Variants in TMEM198 observed in about 807,000 individuals in gnomAD.
TMEM198 encodes the protein transmembrane protein 198.
Under a neutral mutation model 31.5 loss-of-function variants are expected in TMEM198, and 21 were observed. The ratio of observed to expected loss-of-function variants is 0.67; its 90% CI spans 0.47 to 0.96. The LOEUF is 0.96. Among genes scored for constraint, TMEM198 ranks in the 40% least tolerant of loss-of-function variants. The pLI is 0.00. For missense variants in TMEM198, 447 were observed against 499.4 expected (o/e 0.89, Z 1.00); for synonymous variants, 211 against 223.3 (o/e 0.95, Z 0.49).
In TMEM198 at chr2:219,544,754, G is replaced by C; in HGVS notation, c.27G>C (p.Arg9=). 6.2e-7 allele frequency: 1 copy of C among 1,614,094 alleles called. No individual in the cohort carries two copies. The highest frequency in any genetic ancestry group is 8.5e-7 in the Non-Finnish European group (1 of 1,180,030). The part of the protein sequence containing the change: MPGTVATL[R]FQLLPPEPDD... ...TGCCGGGGACTGTGGCAACACTGCG[G>C]TTCCAGCTGCTGCCCCCTGAGCCAG... Residue 9 remains arginine, a synonymous_variant, in exon 2 of 5, where the codon CGG becomes CGC. Coordinates refer to ENST00000373883, the MANE Select transcript of TMEM198 (RefSeq NM_001005209.3).
chr2:219,549,452 A>T, intron 4 of TMEM198, 98 bp downstream of exon 4: 1 of 1,424,804 alleles, frequency 7.0e-7, no homozygotes, highest in East Asian at 2.4e-5. Flanking sequence ...TGCTATCTAG[A>T]AGGCCTGTTT....
rs201245165 is a variant in TMEM198, at chr2:219,544,752, C to T, written c.25C>T (p.Arg9Trp). ...TATGCCGGGGACTGTGGCAACACTG[C>T]GGTTCCAGCTGCTGCCCCCTGAGCC... MPGTVATL[R>W]FQLLPPEPDD... Residue 9 changes from arginine (R) to tryptophan (W), a missense_variant, in exon 2 of 5, where the codon CGG (arginine) becomes TGG (tryptophan). Arg to Trp is a moderately radical substitution (Grantham distance 101). Transcript: ENST00000373883. The T allele has an allele frequency of 1.9e-6, 3 of 1,614,046 alleles. No individual in the cohort carries two copies. Among genetic ancestry groups the T allele is most frequent in the Admixed American group, 3.3e-5 (2 of 60,030 alleles).
intron 3 of TMEM198, among the ~76,000 whole-genome samples, chr2:219,548,766 G>C (rs1559127761): frequency 6.6e-6 from 1 of 152,178 alleles, no homozygotes; most frequent in Non-Finnish European, 1.5e-5. Flanking sequence ...ATCTAATTTA[G>C]CTTTTGGGAT....
chr2:219,549,131 T>C (rs201188272), intron 3 of TMEM198, 21 bp from the exon 4 acceptor site: 195 of 1,613,380 alleles, frequency 1.2e-4, no homozygotes, highest in Non-Finnish European at 1.6e-4. Flanking sequence ...CTGAGCTCCT[T>C]CTCTACCCAT....
rs1356902065 is a variant in TMEM198 at position 219,550,136 on chromosome 2, G to C, written c.*282G>C. The C allele has an allele frequency of 5.5e-6, 2 of 360,840 alleles. No homozygotes were observed. The allele number at this position is 360,840 out of a possible 1,614,324, so 22.4% of individuals were successfully genotyped here. A position where few individuals can be genotyped will look rare whatever the true frequency, so the allele number is the denominator to read the frequency against. On this transcript the variant is annotated 3_prime_UTR_variant, in exon 5 of 5. Transcript: ENST00000373883. ...CCGTGTGTCTGTGTGTATGTGTGTG[G>C]GGGTGGGCAGGCTTGGAGGGGACGC...
At chr2:219,546,980 G>A (rs925687760) in intron 2 of TMEM198, among the ~76,000 whole-genome samples, 4 of 151,824 alleles carry the variant, frequency 2.6e-5, no homozygotes, top group South Asian at 2.1e-4. Flanking sequence ...GGGTTTCACC[G>A]CGTTGGTCAG....
chr2:219,543,852 G>A (rs1232037804), upstream of TMEM198: 3 of 390,440 alleles, frequency 7.7e-6, no homozygotes, highest in South Asian at 1.0e-4. Flanking sequence ...TCTCGCTACC[G>A]GAGAGGGAGG....
At chr2:219,549,099 G>T (rs751615817) in intron 3 of TMEM198, 53 bp from the exon 4 acceptor site, 1 of 1,604,492 alleles carries the variant, frequency 6.2e-7, no homozygotes, top group South Asian at 1.1e-5. Flanking sequence ...GAGGGCTCAA[G>T]GGAAACAAGG....
At chr2:219,546,940 G>A (rs756041353) in intron 2 of TMEM198, among the ~76,000 whole-genome samples, 7 of 152,006 alleles carry the variant, frequency 4.6e-5, no homozygotes, top group Non-Finnish European at 8.8e-5. Context: ...CACCATGCCC[G>A]GCTAATTTTT....
rs1238331558 is a variant in TMEM198 at position 219,550,571 on chromosome 2, C to T, written c.*717C>T. ...TGTTTTACATCTTTTATAAATGTGC[C>T]AAACTGTGTGGCCTCTGCCAGGAAT... On this transcript the variant is annotated 3_prime_UTR_variant, in exon 5 of 5. Transcript: ENST00000373883. 3.5e-5 allele frequency: 19 copies of T among 536,410 alleles called. No individual in the cohort carries two copies. The highest frequency in any genetic ancestry group is 4.7e-5 in the Non-Finnish European group (14 of 299,494). The allele number at this position is 536,410 out of a possible 1,614,324, so 33.2% of individuals were successfully genotyped here.
chr2:219,549,609 G>A, intron 4 of TMEM198, 108 bp from the exon 5 acceptor site: 1 of 1,517,058 alleles, frequency 6.6e-7, no homozygotes, highest in South Asian at 1.3e-5. Flanking sequence ...GTGGACTCTG[G>A]GTCTATGGCA....
rs1056091335 is a variant in TMEM198 at position 219,550,583 on chromosome 2, C to A, written c.*729C>A. On this transcript the variant is annotated 3_prime_UTR_variant, in exon 5 of 5. Coordinates refer to ENST00000373883, the MANE Select transcript of TMEM198 (RefSeq NM_001005209.3). ...TTTATAAATGTGCCAAACTGTGTGG[C>A]CTCTGCCAGGAATGGTGGTCTTTGG... 9.1e-6 allele frequency: 5 copies of A among 552,054 alleles called. No individual in the cohort carries two copies. Among genetic ancestry groups the A allele is most frequent in the Non-Finnish European group, 1.3e-5 (4 of 308,898 alleles). The allele number at this position is 552,054 out of a possible 1,614,324, so 34.2% of individuals were successfully genotyped here.
At chr2:219,546,431 C>A (rs1329842257) in intron 2 of TMEM198, among the ~76,000 whole-genome samples, 1 of 152,150 alleles carries the variant, frequency 6.6e-6, no homozygotes, top group East Asian at 1.9e-4. Flanking sequence ...TATGTCATTA[C>A]CTTCCATCCC....
In TMEM198 at chr2:219,547,866, C is replaced by T; in HGVS notation, c.527C>T (p.Thr176Ile). The change falls in exon 3 of 5, where the codon ACC (threonine) becomes ATC (isoleucine). Residue 176 changes from threonine (T) to isoleucine (I), a missense_variant. Thr to Ile is a moderately conservative substitution (Grantham distance 89). Transcript: ENST00000373883. ...RWPRPLTTLA[T>I]AVTGAALIAT... Reference sequence around the variant, plus strand: ...CCCCGCCCACTCACCACCCTGGCCACCGCCGTGACTGGTGCTGCGCTGATC... The same window carrying T: ...CCCCGCCCACTCACCACCCTGGCCATCGCCGTGACTGGTGCTGCGCTGATC... 6.3e-7 allele frequency: 1 copy of T among 1,589,918 alleles called. No homozygotes were observed. Among genetic ancestry groups the T allele is most frequent in the East Asian group, 2.2e-5 (1 of 44,560 alleles).
upstream of TMEM198, chr2:219,543,794 T>C: frequency 2.2e-6 from 1 of 453,172 alleles, no homozygotes. Context: ...GCCGCAGCTG[T>C]CCGACGTGTC....
intron 1 of TMEM198, 104 bp from the exon 2 acceptor site, chr2:219,544,585 A>C: frequency 1.1e-6 from 1 of 877,740 alleles, no homozygotes; most frequent in East Asian, 2.6e-5. Context: ...TGTGGATACT[A>C]TTCCTTTGTC....
In TMEM198 at chr2:219,547,639, G is replaced by T; in HGVS notation, c.300G>T (p.Leu100=). 6 of 1,522,854 alleles carry T rather than the reference G, an allele frequency of 3.9e-6. No individual in the cohort carries two copies. The highest frequency in any genetic ancestry group is 5.3e-6 in the Non-Finnish European group (6 of 1,134,034). The allele number at this position is 1,522,854 out of a possible 1,614,324, so 94.3% of individuals were successfully genotyped here. ...CTGGGGCGAGCGCGGGCATCGCTCT[G>T]GGCATCGGGCTGCTCTGCGGGCTGG... ...LSAGASAGIA[L]GIGLLCGLVA... is the part of the protein sequence containing the mutation. The change falls in exon 3 of 5, where the codon CTG becomes CTT. Residue 100 remains leucine, a synonymous_variant. Coordinates refer to ENST00000373883, the MANE Select transcript of TMEM198 (RefSeq NM_001005209.3).
Position 219,549,854 on chromosome 2 carries a change from G to A in TMEM198, c.1083G>A (p.Ter361=). Residue 361 remains the stop codon, a stop_retained_variant, in exon 5 of 5, where the codon TAG becomes TAA. Coordinates refer to ENST00000373883, the MANE Select transcript of TMEM198 (RefSeq NM_001005209.3). ...TACSGPPVRV[*] ...GCTCAGGCCCCCCAGTGCGGGTATA[G>A]CCATATCTGTCTGTCTAGACTCTGC... 21 of 1,613,804 alleles carry A rather than the reference G, an allele frequency of 1.3e-5. No individual in the cohort carries two copies. The highest frequency in any genetic ancestry group is 1.8e-5 in the Non-Finnish European group (21 of 1,179,796).
At position 219,547,504 on chromosome 2, in the gene TMEM198, A is replaced by C; in HGVS notation, c.167-2A>C. On this transcript the variant is annotated splice_acceptor_variant, in intron 2 of 4. Coordinates refer to ENST00000373883, the MANE Select transcript of TMEM198 (RefSeq NM_001005209.3). LOFTEE classifies it high-confidence loss of function. ...CCCTCACTAGCCCCTGTTCCCCTCCAGGTTACCGCTGCTTCAAGGCAGTGC... is the reference window on the plus strand; with the variant it reads ...CCCTCACTAGCCCCTGTTCCCCTCCCGGTTACCGCTGCTTCAAGGCAGTGC... The C allele has an allele frequency of 1.4e-6, 2 of 1,413,260 alleles. No individual in the cohort carries two copies. Among genetic ancestry groups the C allele is most frequent in the Non-Finnish European group, 1.9e-6 (2 of 1,078,574 alleles). The allele number at this position is 1,413,260 out of a possible 1,614,324, so 87.5% of individuals were successfully genotyped here. A position where few individuals can be genotyped will look rare whatever the true frequency, so the allele number is the denominator to read the frequency against.
Sources: gnomAD v4.1 joint callset for allele counts (sites outside exome capture counted in the v4.1 genomes callset) on GRCh38, gnomAD v4.1.1 for gene constraint, MANE v1.5 for transcripts, NCBI Gene and HGNC (gene_info 2026-07-23, HGNC 2026-07-21) for gene names.